Variants in PLCB4 observed in about 807,000 individuals in gnomAD.
The protein encoded by PLCB4 is phospholipase C beta 4.
In PLCB4, 77 loss-of-function variants were observed where a neutral mutation model predicts 178.8. The ratio of observed to expected loss-of-function variants is 0.43; its 90% CI spans 0.36 to 0.52. The LOEUF (loss-of-function observed/expected upper bound fraction) is 0.52, where lower values mean the gene tolerates loss of function less well. PLCB4 is among the 20% of genes least tolerant of loss of function. The pLI, the probability that PLCB4 is intolerant of heterozygous loss-of-function variation, is 0.00. For missense variants in PLCB4, 1,024 were observed against 1,453.4 expected, an observed-to-expected ratio of 0.70 and a Z score of 4.80; for synonymous variants, 496 against 490.8, an observed-to-expected ratio of 1.01 and a Z score of -0.14.
At chr20:9,112,637 A>G (rs1249529336) in intron 2 of PLCB4, among the ~76,000 whole-genome samples, 1 of 152,184 alleles carries the variant, frequency 6.6e-6, no homozygotes, top group Non-Finnish European at 1.5e-5. Flanking sequence ...TTAAAATATT[A>G]TAAAAAACTT....
chr20:9,467,973 C>T (rs753075653), intron 35 of PLCB4, among the ~76,000 whole-genome samples: 4 of 152,120 alleles, frequency 2.6e-5, no homozygotes, highest in African/African-American at 4.8e-5. Context: ...ACCTGCAAAC[C>T]TACTTTTTTG....
intron 2 of PLCB4, among the ~76,000 whole-genome samples, chr20:9,140,406 G>A (rs1414528337): frequency 2.6e-5 from 4 of 152,092 alleles, no homozygotes; most frequent in Non-Finnish European, 5.9e-5. Context: ...CCTCAGGGCT[G>A]CAGTGGCCAT....
chr20:9,073,384 C>T (rs1224890002), intron 1 of PLCB4, among the ~76,000 whole-genome samples: 3 of 152,068 alleles, frequency 2.0e-5, no homozygotes, highest in African/African-American at 7.2e-5. Flanking sequence ...ATGTGGCTGG[C>T]AAATGAATTA....
At chr20:9,362,005 A>T (rs889971822) in intron 7 of PLCB4, among the ~76,000 whole-genome samples, 11 of 152,312 alleles carry the variant, frequency 7.2e-5, no homozygotes, top group African/African-American at 2.2e-4. Context: ...CTATTCCAAG[A>T]TATTTTTCCT....
rs772398684 is a variant in PLCB4, at chr20:9,409,111, C to T, written c.1929C>T (p.Ser643=). Reference sequence around the variant, plus strand: ...ACCCCAAGGGAGGCCGAGTCGATTCCAGTAATTACATGCCTCAGATTTTCT... The same window carrying T: ...ACCCCAAGGGAGGCCGAGTCGATTCTAGTAATTACATGCCTCAGATTTTCT... ...RIYPKGGRVD[S]SNYMPQIFWN... Residue 643 remains serine, a synonymous_variant, in exon 24 of 40, where the codon TCC becomes TCT. Coordinates refer to ENST00000378473, the MANE Select transcript of PLCB4 (RefSeq NM_001377142.1). 6.2e-7 allele frequency: 1 copy of T among 1,608,266 alleles called. No individual in the cohort carries two copies. The highest frequency in any genetic ancestry group is 8.5e-7 in the Non-Finnish European group (1 of 1,178,590).
chr20:9,443,944 A>G (rs1323076686), intron 30 of PLCB4, 37 bp from the exon 31 acceptor site: 2 of 1,161,196 alleles, frequency 1.7e-6, no homozygotes, highest in African/African-American at 3.1e-5. Context: ...TCTGATTTTT[A>G]GTATACATAG....
intron 2 of PLCB4, among the ~76,000 whole-genome samples, chr20:9,165,142 G>T (rs1600833812): frequency 1.3e-5 from 2 of 152,140 alleles, no homozygotes; most frequent in Non-Finnish European, 2.9e-5. Context: ...GTACAGGCAC[G>T]TGCCCGCTAT....
chr20:9,391,039 T>G (rs940631187), intron 17 of PLCB4, among the ~76,000 whole-genome samples: 24 of 152,180 alleles, frequency 1.6e-4, no homozygotes, highest in African/African-American at 5.3e-4. Flanking sequence ...GAACTGTATA[T>G]GCACCCGGTA....
chr20:9,470,957 A>G (rs2044152716), intron 36 of PLCB4, among the ~76,000 whole-genome samples: 1 of 152,234 alleles, frequency 6.6e-6, no homozygotes, highest in Admixed American at 6.5e-5. Context: ...TACTGTGTGT[A>G]TGTTTGTATC....
chr20:9,422,296 A>G (rs779631191), intron 27 of PLCB4, among the ~76,000 whole-genome samples: 61 of 152,232 alleles, frequency 4.0e-4, no homozygotes, highest in Non-Finnish European at 1.3e-4. Flanking sequence ...ACTGGCTTAC[A>G]GAAACCAAAT....
chr20:9,267,249 A>G (rs1601520965), intron 3 of PLCB4, among the ~76,000 whole-genome samples: 1 of 152,290 alleles, frequency 6.6e-6, no homozygotes, highest in East Asian at 1.9e-4. Flanking sequence ...TTCTTCAACC[A>G]TTTTGTCAAC....
intron 7 of PLCB4, among the ~76,000 whole-genome samples, chr20:9,348,195 G>C (rs1015598449): frequency 6.6e-6 from 1 of 152,090 alleles, no homozygotes; most frequent in Admixed American, 6.6e-5. Flanking sequence ...AGTCATTCTG[G>C]GTACTTCCTG....
At chr20:9,430,089 AAAAAAT>A (rs2041295284) in intron 28 of PLCB4, among the ~76,000 whole-genome samples, 1 of 152,048 alleles carries the variant, frequency 6.6e-6, no homozygotes, top group Non-Finnish European at 1.5e-5. Flanking sequence ...AATAAAATTT[AAAAAAT>A]AAAAATAAAA....
At chr20:9,453,986 C>G (rs2122314740) in intron 33 of PLCB4, among the ~76,000 whole-genome samples, 1 of 152,284 alleles carries the variant, frequency 6.6e-6, no homozygotes. Flanking sequence ...ACCAGTTTTT[C>G]CACAAGTGCT....
chr20:9,072,817 A>C (rs2089638426), intron 1 of PLCB4, among the ~76,000 whole-genome samples: 1 of 152,192 alleles, frequency 6.6e-6, no homozygotes, highest in South Asian at 2.1e-4. Context: ...CCAGGGAATG[A>C]ATGACCAGCA....
chr20:9,075,989 G>C (rs762889092), intron 1 of PLCB4, among the ~76,000 whole-genome samples: 17 of 151,988 alleles, frequency 1.1e-4, no homozygotes, highest in Non-Finnish European at 2.2e-4. Flanking sequence ...TAATTTTTTT[G>C]GCTGTAAAAT....
intron 7 of PLCB4, among the ~76,000 whole-genome samples, chr20:9,362,285 C>T (rs1308987265): frequency 6.6e-6 from 1 of 152,240 alleles, no homozygotes; most frequent in Non-Finnish European, 1.5e-5. Context: ...TTTCCCTTCA[C>T]TTGTCCTTGT....
intron 1 of PLCB4, among the ~76,000 whole-genome samples, chr20:9,094,346 A>T (rs888698698): frequency 6.6e-6 from 1 of 152,158 alleles, no homozygotes; most frequent in Non-Finnish European, 1.5e-5. Flanking sequence ...ATTTTTTTAA[A>T]CCATACCTAT....
chr20:9,435,196 T>A (rs1192761005), intron 28 of PLCB4, among the ~76,000 whole-genome samples: 1 of 152,190 alleles, frequency 6.6e-6, no homozygotes, highest in East Asian at 1.9e-4. Context: ...AATTTCCAGA[T>A]AAAGAAACTG....
Sources: allele counts gnomAD v4.1 joint callset (sites outside exome capture counted in the v4.1 genomes callset), GRCh38; gene constraint gnomAD v4.1.1; transcripts MANE v1.5; gene names NCBI Gene and HGNC (gene_info 2026-07-23, HGNC 2026-07-21).